The following GTF3C4 variants were observed in gnomAD, a reference collection of about 807,000 sequenced individuals.
The protein encoded by GTF3C4 is general transcription factor 3C polypeptide 4.
A neutral mutation model predicts 67.5 loss-of-function variants in GTF3C4; 28 were observed. That is an observed-to-expected ratio of 0.41 (90% CI 0.31 to 0.57). The LOEUF is 0.57. Ranked by LOEUF, GTF3C4 falls within the 20% of genes least tolerant of loss-of-function variation. The pLI, the probability that GTF3C4 is intolerant of heterozygous loss-of-function variation, is 0.21. For synonymous variants in GTF3C4, 409 were observed against 393.0 expected, an observed-to-expected ratio of 1.04 and a Z score of -0.48; for missense variants, 831 against 1,033.2, an observed-to-expected ratio of 0.80 and a Z score of 2.68.
At chr9:132,686,851 C>T (rs895092553) in intron 3 of GTF3C4, among the ~76,000 whole-genome samples, 16 of 152,158 alleles carry the variant, frequency 1.1e-4, no homozygotes, top group East Asian at 1.9e-4. Context: ...GGCTGGGCAA[C>T]GTAGCGAGAC....
At chr9:132,670,374 T>C, upstream of GTF3C4, 1 of 1,240,246 alleles carries the variant, frequency 8.1e-7, no homozygotes, top group African/African-American at 1.6e-5. Context: ...AAGGGGGTCC[T>C]CGGGGCTCCC....
intron 1 of GTF3C4, among the ~76,000 whole-genome samples, chr9:132,675,865 A>T (rs930336574): frequency 1.3e-5 from 2 of 151,252 alleles, no homozygotes; most frequent in Non-Finnish European, 1.5e-5. Context: ...TTAGCAGAAA[A>T]GAGAATAAGA....
chr9:132,670,042 G>A (rs1319848039), upstream of GTF3C4: 131 of 1,563,094 alleles, frequency 8.4e-5, no homozygotes, highest in Non-Finnish European at 1.1e-4. Context: ...CCCCTTCCGG[G>A]TCCGGAACGG....
In GTF3C4 at chr9:132,689,186, T is replaced by C. The variant is rs1336026310; in HGVS notation, c.*241T>C. 2.0e-6 allele frequency: 1 copy of C among 508,662 alleles called. No homozygotes were observed. Among genetic ancestry groups the C allele is most frequent in the Admixed American group, 3.2e-5 (1 of 31,632 alleles). The allele number at this position is 508,662 out of a possible 1,614,324, so 31.5% of individuals were successfully genotyped here. A position where few individuals can be genotyped will look rare whatever the true frequency, so the allele number is the denominator to read the frequency against. The stretch of plus-strand genomic sequence containing the variant: ...GTTGGAGTCGTTTTGAGATGAGCAT[T>C]AGCCCCAGCTTTGTAACCAATGAGG... On this transcript the variant is annotated 3_prime_UTR_variant, in exon 5 of 5. Transcript: ENST00000372146.
intron 4 of GTF3C4, among the ~76,000 whole-genome samples, chr9:132,688,346 A>C (rs572441666): frequency 3.8e-4 from 58 of 152,360 alleles, no homozygotes; most frequent in African/African-American, 1.2e-3. Flanking sequence ...TTGAAACTTT[A>C]AAAATCTTAC....
chr9:132,685,612 T>G (rs1197190760), intron 3 of GTF3C4, among the ~76,000 whole-genome samples: 1 of 152,128 alleles, frequency 6.6e-6, no homozygotes, highest in Non-Finnish European at 1.5e-5. Context: ...CTCAGCCTCC[T>G]GAGCAGCCAG....
In GTF3C4 at chr9:132,678,804, A is replaced by G; in HGVS notation, c.1185A>G (p.Arg395=). 1.2e-6 allele frequency: 2 copies of G among 1,614,164 alleles called. No homozygotes were observed. Among genetic ancestry groups the G allele is most frequent in the Non-Finnish European group, 1.7e-6 (2 of 1,179,996 alleles). Residue 395 remains arginine (R), a synonymous_variant, in exon 2 of 5, where the codon AGA becomes AGG. Coordinates refer to ENST00000372146, the MANE Select transcript of GTF3C4 (RefSeq NM_012204.4). The surrounding 1 kb of genome is among the most constrained non-coding windows in gnomAD (Gnocchi z 6.5). The part of the protein sequence containing the change: ...KCSCSLVVAA[R]GSYVFWCLLL... ...GTTGCAGCTTAGTAGTGGCTGCAAGAGGCTCTTATGTATTTTGGTGTCTTC... is the reference window on the plus strand; with the variant it reads ...GTTGCAGCTTAGTAGTGGCTGCAAGGGGCTCTTATGTATTTTGGTGTCTTC...
rs779126260 is a variant in GTF3C4, at chr9:132,689,220, C to T, written c.*275C>T. On this transcript the variant is annotated 3_prime_UTR_variant, in exon 5 of 5. Transcript: ENST00000372146. ...CTTTGTAACCAATGAGGAACACTTA[C>T]TTATTTTTAAGTATCTTGACAGAAG... 68 of 412,508 alleles carry T rather than the reference C, an allele frequency of 1.6e-4. No homozygotes were observed. Among genetic ancestry groups the T allele is most frequent in the Non-Finnish European group, 2.4e-4 (53 of 223,176 alleles). 25.6% of individuals were successfully genotyped at this position (412,508 alleles called of 1,614,324 possible). A position where few individuals can be genotyped will look rare whatever the true frequency, so the allele number is the denominator to read the frequency against.
At position 132,670,706 on chromosome 9, in the gene GTF3C4, A is replaced by G; in HGVS notation, c.108A>G (p.Ala36=). The G allele has an allele frequency of 6.6e-7, 1 of 1,525,090 alleles. No individual in the cohort carries two copies. The highest frequency in any genetic ancestry group is 8.7e-7 in the Non-Finnish European group (1 of 1,143,164). The allele number at this position is 1,525,090 out of a possible 1,614,324, so 94.5% of individuals were successfully genotyped here. A position where few individuals can be genotyped will look rare whatever the true frequency, so the allele number is the denominator to read the frequency against. ...GGGEAGGKEP[A]ADAAPGPSAA... The stretch of plus-strand genomic sequence containing the variant: ...GCGAGGCGGGCGGGAAGGAGCCAGC[A>G]GCGGACGCGGCCCCGGGGCCCAGCG... Residue 36 remains alanine, a synonymous_variant, in exon 1 of 5, where the codon GCA becomes GCG. Transcript: ENST00000372146.
At chr9:132,684,356 C>T (rs1835993577) in intron 3 of GTF3C4, among the ~76,000 whole-genome samples, 2 of 152,178 alleles carry the variant, frequency 1.3e-5, no homozygotes, top group Admixed American at 1.3e-4. Flanking sequence ...GTTCCTACCT[C>T]TGCAGCCCTG....
chr9:132,687,638 A>G (rs1319273249), intron 4 of GTF3C4, among the ~76,000 whole-genome samples: 1 of 152,238 alleles, frequency 6.6e-6, no homozygotes, highest in Non-Finnish European at 1.5e-5. Context: ...GTTTCAGTAG[A>G]TGACATAGAT....
intron 1 of GTF3C4, among the ~76,000 whole-genome samples, chr9:132,677,749 TATAG>T (rs1835882968): frequency 6.6e-6 from 1 of 152,302 alleles, no homozygotes; most frequent in Non-Finnish European, 1.5e-5. Context: ...CAAAGATATA[TATAG>T]ATACATATTT....
intron 1 of GTF3C4, among the ~76,000 whole-genome samples, chr9:132,672,368 A>G (rs1049878384): frequency 6.6e-6 from 1 of 152,200 alleles, no homozygotes; most frequent in Non-Finnish European, 1.5e-5. Flanking sequence ...CTTATGGGGC[A>G]GGTCATCTGG....
chr9:132,683,534 A>T (rs762674600), intron 2 of GTF3C4, 29 bp from the exon 3 acceptor site: 8 of 1,594,646 alleles, frequency 5.0e-6, no homozygotes, highest in East Asian at 4.5e-5. Context: ...CACTTACACT[A>T]AACTTTGCTG....
At chr9:132,685,253 T>C (rs1048569804) in intron 3 of GTF3C4, among the ~76,000 whole-genome samples, 1 of 152,022 alleles carries the variant, frequency 6.6e-6, no homozygotes, top group Non-Finnish European at 1.5e-5. Flanking sequence ...ACTCCTGGGC[T>C]CAAGTGATCC....
chr9:132,676,382 A>G (rs549178312), intron 1 of GTF3C4, among the ~76,000 whole-genome samples: 55 of 147,268 alleles, frequency 3.7e-4, no homozygotes, highest in Non-Finnish European at 6.3e-4. Flanking sequence ...GCAGTGGCGC[A>G]ATCTCGGCTC....
rs537208639 is a variant in GTF3C4 at position 132,670,627 on chromosome 9, G to A, written c.29G>A (p.Gly10Glu). 1.4e-5 allele frequency: 21 copies of A among 1,453,362 alleles called. No individual in the cohort carries two copies. The South Asian group carries it at 2.8e-4, about 19-fold the overall frequency. 90.0% of individuals were successfully genotyped at this position (1,453,362 alleles called of 1,614,324 possible). A position where few individuals can be genotyped will look rare whatever the true frequency, so the allele number is the denominator to read the frequency against. Residue 10 changes from glycine (G) to glutamate (E), a missense_variant, in exon 1 of 5, where the codon GGG (glycine) becomes GAG (glutamate). Gly to Glu is a moderately conservative substitution (Grantham distance 98). Coordinates refer to ENST00000372146, the MANE Select transcript of GTF3C4 (RefSeq NM_012204.4). Reference sequence around the variant, plus strand: ...AACACGGCCGACCAGGCCCGGGTGGGGCCCGCGGACGACGGGCCTGCGCCG... The same window carrying A: ...AACACGGCCGACCAGGCCCGGGTGGAGCCCGCGGACGACGGGCCTGCGCCG... MNTADQARV[G>E]PADDGPAPSG...
chr9:132,679,356 C>T lies in GTF3C4; in HGVS notation c.1737C>T (p.Phe579=). The T allele has an allele frequency of 1.2e-6, 2 of 1,614,112 alleles. No homozygotes were observed. Among genetic ancestry groups the T allele is most frequent in the South Asian group, 1.1e-5 (1 of 91,086 alleles). ...GVTYFWRFKL[F]LLRILYQSMQ... ...CCTATTTTTGGCGTTTTAAGCTTTT[C>T]CTCCTGAGGATTTTATATCAGTCAA... Residue 579 remains phenylalanine (F), a synonymous_variant, in exon 2 of 5, where the codon TTC becomes TTT. Transcript: ENST00000372146. This position sits in a 1 kb window ranked among gnomAD's most constrained non-coding sequence, Gnocchi z 5.9.
Position 132,683,617 on chromosome 9 carries a change from T to C in GTF3C4, c.2239T>C (p.Cys747Arg). The C allele has an allele frequency of 6.2e-7, 1 of 1,613,382 alleles. No individual in the cohort carries two copies. Among genetic ancestry groups the C allele is most frequent in the Non-Finnish European group, 8.5e-7 (1 of 1,179,578 alleles). Residue 747 changes from cysteine to arginine, a missense_variant, in exon 3 of 5, where the codon TGT (cysteine) becomes CGT (arginine). By Grantham distance (180) the Cys-to-Arg change is radical (BLOSUM62 -3). Coordinates refer to ENST00000372146, the MANE Select transcript of GTF3C4 (RefSeq NM_012204.4). ...GAACAAACAGACTTTCCCTGAGCAC[T>C]GTAGTTTGTGTAAAGAGATCTTGCC... ...KMNKQTFPEH[C>R]SLCKEILPFT...
Sources: gnomAD v4.1 joint callset for allele counts (sites outside exome capture counted in the v4.1 genomes callset) on GRCh38, gnomAD v4.1.1 for gene constraint, Gnocchi (gnomAD v3.1) non-coding constraint, MANE v1.5 for transcripts, NCBI Gene and HGNC (gene_info 2026-07-23, HGNC 2026-07-21) for gene names.